The following GABRB2 variants were observed in gnomAD, a reference collection of about 807,000 sequenced individuals.
GABRB2 encodes the protein gamma-aminobutyric acid receptor subunit beta-2.
Under a neutral mutation model 54.7 loss-of-function variants are expected in GABRB2, and 16 were observed. The ratio of observed to expected loss-of-function variants is 0.29; its 90% CI spans 0.20 to 0.44. The LOEUF (loss-of-function observed/expected upper bound fraction) is 0.44, where lower values mean the gene tolerates loss of function less well. Among genes scored for constraint, GABRB2 ranks in the 20% least tolerant of loss-of-function variants. GABRB2 has a pLI of 1.00. For synonymous variants in GABRB2, 244 were observed against 233.8 expected, an observed-to-expected ratio of 1.04 and a Z score of -0.40; for missense variants, 355 against 644.0, an observed-to-expected ratio of 0.55 and a Z score of 4.86.
At chr5:161,470,946 G>A (rs1016846729) in intron 3 of GABRB2, among the ~76,000 whole-genome samples, 14 of 151,914 alleles carry the variant, frequency 9.2e-5, no homozygotes, top group African/African-American at 2.9e-4. Flanking sequence ...ACTAAAGCTT[G>A]TTCATGCTTC....
chr5:161,466,633 G>T (rs1270795929), intron 3 of GABRB2, among the ~76,000 whole-genome samples: 1 of 151,986 alleles, frequency 6.6e-6, no homozygotes, highest in African/African-American at 2.4e-5. Flanking sequence ...CAGTGGCATT[G>T]TTCTGGCCAC....
chr5:161,455,982 C>T (rs1241405889), intron 4 of GABRB2, among the ~76,000 whole-genome samples: 1 of 152,112 alleles, frequency 6.6e-6, no homozygotes, highest in Admixed American at 6.6e-5. Context: ...CTGAAGAAAA[C>T]CTATGAAAGA....
At chr5:161,329,597 T>A (rs530867499) in intron 8 of GABRB2, 1 of 152,298 alleles carries the variant, frequency 6.6e-6, no homozygotes, top group African/African-American at 2.4e-5. Flanking sequence ...CAAATACAAC[T>A]CAATGGCAGA....
intron 3 of GABRB2, among the ~76,000 whole-genome samples, chr5:161,480,418 T>C (rs1035367024): frequency 6.6e-6 from 1 of 152,056 alleles, no homozygotes; most frequent in Non-Finnish European, 1.5e-5. Context: ...CAGGTCATAA[T>C]AGGTATTCCT....
intron 5 of GABRB2, among the ~76,000 whole-genome samples, chr5:161,390,383 C>T (rs868562391): frequency 3.3e-5 from 5 of 152,010 alleles, no homozygotes; most frequent in South Asian, 2.1e-4. Flanking sequence ...TTCCAAAGAG[C>T]AAAAATTTCT....
At chr5:161,468,901 T>A (rs902625052) in intron 3 of GABRB2, among the ~76,000 whole-genome samples, 4 of 151,964 alleles carry the variant, frequency 2.6e-5, no homozygotes, top group Non-Finnish European at 5.9e-5. Flanking sequence ...TGAAACATAG[T>A]ACAAATATAT....
At chr5:161,353,030 T>C (rs1754519606) in intron 5 of GABRB2, among the ~76,000 whole-genome samples, 1 of 152,062 alleles carries the variant, frequency 6.6e-6, no homozygotes, top group Non-Finnish European at 1.5e-5. Flanking sequence ...TTCTAAGAAC[T>C]ATAGAAAATA....
chr5:161,336,609 TA>T, intron 6 of GABRB2, 22 bp downstream of exon 6: 1 of 1,609,596 alleles, frequency 6.2e-7, no homozygotes, highest in Non-Finnish European at 8.5e-7. Context: ...TATTTTCCCT[TA>T]ACACTTTTCC....
intron 4 of GABRB2, among the ~76,000 whole-genome samples, chr5:161,437,627 A>G (rs1455473125): frequency 6.6e-6 from 1 of 152,060 alleles, no homozygotes. Context: ...TGACACTTGG[A>G]CAGCATTTCT....
At chr5:161,305,628 G>T (rs1757668382) in intron 9 of GABRB2, among the ~76,000 whole-genome samples, 1 of 152,168 alleles carries the variant, frequency 6.6e-6, no homozygotes, top group Admixed American at 6.5e-5. Flanking sequence ...CTTTTCATTA[G>T]CTGGTTCACA....
chr5:161,368,609 C>T (rs552183467), intron 5 of GABRB2, among the ~76,000 whole-genome samples: 3 of 152,254 alleles, frequency 2.0e-5, no homozygotes, highest in South Asian at 2.1e-4. Flanking sequence ...GCTGCCTGTT[C>T]GAGATGTCGC....
intron 3 of GABRB2, among the ~76,000 whole-genome samples, chr5:161,486,720 G>A (rs563820813): frequency 5.1e-4 from 77 of 151,964 alleles, no homozygotes; most frequent in African/African-American, 1.6e-3. Context: ...CTCCCATTCA[G>A]TTCTATCCTC....
intron 9 of GABRB2, among the ~76,000 whole-genome samples, chr5:161,318,273 A>G (rs1561605629): frequency 6.6e-6 from 1 of 151,984 alleles, no homozygotes; most frequent in Non-Finnish European, 1.5e-5. Context: ...ATAGAGTCTG[A>G]ATTTTCTGCC....
intron 6 of GABRB2, among the ~76,000 whole-genome samples, 166 bp from the exon 7 acceptor site, chr5:161,335,070 A>C (rs1034685379): frequency 6.6e-6 from 1 of 152,186 alleles, no homozygotes; most frequent in Non-Finnish European, 1.5e-5. Flanking sequence ...TCTAATTACC[A>C]GGAGTTACTC....
chr5:161,490,059 C>A (rs1759054464), intron 3 of GABRB2, among the ~76,000 whole-genome samples: 1 of 151,588 alleles, frequency 6.6e-6, no homozygotes, highest in South Asian at 2.1e-4. Flanking sequence ...AAAAAAAAAT[C>A]TGCCCTACAT....
At chr5:161,328,733 A>AC (rs750996979) in intron 8 of GABRB2, among the ~76,000 whole-genome samples, 4 of 152,144 alleles carry the variant, frequency 2.6e-5, no homozygotes, top group Non-Finnish European at 5.9e-5. Context: ...ACAAGAAGTT[A>AC]CAGGGAAGCT....
At chr5:161,304,274 G>C (rs1757618715) in intron 9 of GABRB2, among the ~76,000 whole-genome samples, 1 of 152,190 alleles carries the variant, frequency 6.6e-6, no homozygotes, top group Non-Finnish European at 1.5e-5. Flanking sequence ...ACAGGCTGCT[G>C]CATCAAATTC....
intron 3 of GABRB2, among the ~76,000 whole-genome samples, chr5:161,542,164 C>G (rs1760841072): frequency 2.0e-5 from 3 of 152,106 alleles, no homozygotes; most frequent in African/African-American, 7.2e-5. Context: ...ATGGTGCCCC[C>G]AAACAATTGC....
chr5:161,520,238 T>C (rs183164981), intron 3 of GABRB2, among the ~76,000 whole-genome samples: 19 of 152,278 alleles, frequency 1.2e-4, no homozygotes, highest in Admixed American at 9.2e-4. Context: ...TTAAGCGCTG[T>C]AGCTTATAAC....
Sources: allele counts gnomAD v4.1 joint callset (sites outside exome capture counted in the v4.1 genomes callset), GRCh38; gene constraint gnomAD v4.1.1; transcripts MANE v1.5; gene names NCBI Gene and HGNC (gene_info 2026-07-23, HGNC 2026-07-21).